The following CMSS1 variants were observed in gnomAD, a reference collection of about 807,000 sequenced individuals.
CMSS1 encodes protein CMSS1.
In CMSS1, 33 loss-of-function variants were observed where a neutral mutation model predicts 43.5. That is an observed-to-expected ratio of 0.76 (90% CI 0.57 to 1.01). The LOEUF (loss-of-function observed/expected upper bound fraction) is 1.01, where lower values mean the gene tolerates loss of function less well. Ranked by LOEUF, CMSS1 falls within the 50% of genes least tolerant of loss-of-function variation. CMSS1 has a pLI of 0.00. For missense variants in CMSS1, 313 were observed against 326.4 expected (o/e 0.96, Z 0.32); for synonymous variants, 115 against 117.2 (o/e 0.98, Z 0.12).
intron 1 of CMSS1, chr3:99,898,167 C>A (rs1706320055): frequency 6.6e-6 from 1 of 152,134 alleles, no homozygotes; most frequent in South Asian, 2.1e-4. Context: ...AGATATGATA[C>A]AATATTTTTG....
At chr3:99,890,434 T>A (rs1385938695) in intron 1 of CMSS1, among the ~76,000 whole-genome samples, 6 of 152,146 alleles carry the variant, frequency 3.9e-5, no homozygotes, top group Admixed American at 2.0e-4. Context: ...TATTAACATT[T>A]CAAATATGGC....
chr3:100,151,701 C>T lies in CMSS1; in HGVS notation c.153+4640C>T, dbSNP rs9829563. On this transcript the variant is annotated intron_variant, in intron 2 of 9. Coordinates refer to ENST00000421999, the MANE Select transcript of CMSS1 (RefSeq NM_032359.4). ...CAAAGGAATATGAGTACCGGGAGAT[C>T]GAGATCATGAGGAGCTATCCTGGAA... is the stretch of plus-strand genomic sequence containing the variant. 2.5e-3 allele frequency among the ~76,000 whole-genome samples: 383 copies of T among 152,244 alleles called. 1 individual carries two copies. Among genetic ancestry groups the T allele is most frequent in the African/African-American group, 8.9e-3 (370 of 41,534 alleles).
chr3:100,028,256 T>C (rs1241881395), intron 1 of CMSS1, among the ~76,000 whole-genome samples: 1 of 152,186 alleles, frequency 6.6e-6, no homozygotes, highest in African/African-American at 2.4e-5. Context: ...AGCTAAGTAA[T>C]TTGCCTGAAG....
At chr3:100,043,136 A>G (rs1021205897) in intron 1 of CMSS1, among the ~76,000 whole-genome samples, 28 of 152,204 alleles carry the variant, frequency 1.8e-4, no homozygotes, top group African/African-American at 6.8e-4. Flanking sequence ...CTGTGTCTCA[A>G]ATTGACAAGA....
intron 1 of CMSS1, among the ~76,000 whole-genome samples, chr3:100,130,281 C>T (rs1220999334): frequency 1.3e-5 from 2 of 152,172 alleles, no homozygotes; most frequent in African/African-American, 4.8e-5. Flanking sequence ...TTCCCTTTCA[C>T]ATTTGGGAAA....
intron 1 of CMSS1, among the ~76,000 whole-genome samples, chr3:100,001,070 A>G (rs959668500): frequency 7.9e-5 from 12 of 152,170 alleles, no homozygotes; most frequent in African/African-American, 2.2e-4. Context: ...TCCCAAAAAT[A>G]TTATTGTGCC....
At chr3:99,985,925 A>G (rs1405079296) in intron 1 of CMSS1, among the ~76,000 whole-genome samples, 1 of 150,750 alleles carries the variant, frequency 6.6e-6, no homozygotes, top group Non-Finnish European at 1.5e-5. Context: ...GGATATATTC[A>G]TAAAACACAT....
chr3:100,020,914 T>A (rs1576646714), intron 1 of CMSS1, among the ~76,000 whole-genome samples: 1 of 152,056 alleles, frequency 6.6e-6, no homozygotes. Context: ...ACTACAGGCA[T>A]GCGCCATCAT....
chr3:100,027,784 T>C (rs2064953690), intron 1 of CMSS1, among the ~76,000 whole-genome samples: 1 of 152,124 alleles, frequency 6.6e-6, no homozygotes, highest in Non-Finnish European at 1.5e-5. Flanking sequence ...GGGCAAGCAA[T>C]AAGTCAGAGG....
chr3:99,820,928 A>G lies in CMSS1; in HGVS notation c.64+2885A>G, dbSNP rs565062535. 3.3e-5 allele frequency among the ~76,000 whole-genome samples: 5 copies of G among 152,366 alleles called. No individual in the cohort carries two copies. The East Asian group carries it at 5.8e-4, about 18-fold the overall frequency. On this transcript the variant is annotated intron_variant, in intron 1 of 9. Transcript: ENST00000421999. The stretch of plus-strand genomic sequence containing the variant: ...TTTTATTCCTGTTGTGGATTATGCT[A>G]CCTGCCTATAAAAATAAACATTTTT...
At chr3:99,860,435 G>A (rs1944187234) in intron 1 of CMSS1, among the ~76,000 whole-genome samples, 1 of 152,090 alleles carries the variant, frequency 6.6e-6, no homozygotes, top group African/African-American at 2.4e-5. Context: ...CTCAAATTGA[G>A]CACAAGGACT....
At chr3:99,833,142 C>A in intron 1 of CMSS1, 2 of 1,130,506 alleles carry the variant, frequency 1.8e-6, no homozygotes, top group Non-Finnish European at 2.6e-6. Flanking sequence ...AAAGCTCATT[C>A]ATAGAAGAAA....
intron 1 of CMSS1, among the ~76,000 whole-genome samples, chr3:99,996,723 A>T (rs2107150348): frequency 6.6e-6 from 1 of 152,212 alleles, no homozygotes. Flanking sequence ...CAAAAGCGGA[A>T]ACTCCTGATA....
intron 1 of CMSS1, among the ~76,000 whole-genome samples, chr3:99,819,352 T>A (rs1161916770): frequency 6.6e-6 from 1 of 152,196 alleles, no homozygotes; most frequent in Non-Finnish European, 1.5e-5. Flanking sequence ...TTGAATTCTG[T>A]TTGAGTGGTG....
chr3:100,046,872 A>G (rs561743912), intron 1 of CMSS1, among the ~76,000 whole-genome samples: 10 of 152,240 alleles, frequency 6.6e-5, no homozygotes, highest in African/African-American at 1.7e-4. Flanking sequence ...CAGTTTTCCT[A>G]TTTTCCATGG....
chr3:99,983,462 G>GTATA (rs1466852207), intron 1 of CMSS1, among the ~76,000 whole-genome samples: 29 of 11,972 alleles, frequency 2.4e-3, no homozygotes, highest in Non-Finnish European at 4.1e-3. Context: ...ATATATATGT[G>GTATA]TGTATATATA....
chr3:99,924,429 AG>A (rs777095547), intron 1 of CMSS1: 1 of 1,608,090 alleles, frequency 6.2e-7, no homozygotes, highest in East Asian at 2.2e-5. Context: ...AAACATTTAT[AG>A]CCTGTTACCA....
chr3:99,987,723 T>C (rs1282984738), intron 1 of CMSS1, among the ~76,000 whole-genome samples: 1 of 152,198 alleles, frequency 6.6e-6, no homozygotes, highest in Non-Finnish European at 1.5e-5. Flanking sequence ...TCAGTTATTT[T>C]CTTCACAGGT....
At chr3:99,834,522 G>A (rs553495234) in intron 1 of CMSS1, among the ~76,000 whole-genome samples, 1 of 152,328 alleles carries the variant, frequency 6.6e-6, no homozygotes, top group Non-Finnish European at 1.5e-5. Context: ...CCCCCACTTT[G>A]TGTCAGACCA....
Sources: gnomAD v4.1 joint callset for allele counts (sites outside exome capture counted in the v4.1 genomes callset) on GRCh38, gnomAD v4.1.1 for gene constraint, MANE v1.5 for transcripts, NCBI Gene and HGNC (gene_info 2026-07-23, HGNC 2026-07-21) for gene names.